JMJD1C: variants seen among roughly 807,000 people sequenced by gnomAD.
JMJD1C encodes jumonji domain-containing protein 1C.
In JMJD1C, 31 loss-of-function variants were observed where a neutral mutation model predicts 245.3. That is an observed-to-expected ratio of 0.13 (90% CI 0.09 to 0.17). The LOEUF (loss-of-function observed/expected upper bound fraction) is 0.17, where lower values mean the gene tolerates loss of function less well. JMJD1C is among the 10% of genes least tolerant of loss of function. JMJD1C has a pLI of 1.00. For missense variants in JMJD1C, 2,691 were observed against 3,000.2 expected (o/e 0.90, Z 2.41); for synonymous variants, 1,057 against 1,017.4 (o/e 1.04, Z -0.74).
chr10:63,399,011 A>G (rs1948687770), intron 1 of JMJD1C, among the ~76,000 whole-genome samples: 1 of 122,074 alleles, frequency 8.2e-6, no homozygotes, highest in Admixed American at 7.6e-5. Flanking sequence ...GTTGTTTCTA[A>G]AAAGAAGAAT....
At position 63,194,272 on chromosome 10, in the gene JMJD1C, G is replaced by A; in HGVS notation, c.5734+14C>T. Reference sequence around the variant, plus strand: ...ACCAAGAGCAGTTATATTACATGAAGAAGATATACTTACCAGAACCAGGTA... The same window carrying A: ...ACCAAGAGCAGTTATATTACATGAAAAAGATATACTTACCAGAACCAGGTA... On this transcript the variant is annotated intron_variant, in intron 14 of 25. Transcript: ENST00000399262. The A allele has an allele frequency of 1.3e-6, 2 of 1,537,284 alleles. No individual in the cohort carries two copies. The highest frequency in any genetic ancestry group is 1.8e-6 in the Non-Finnish European group (2 of 1,110,054).
intron 1 of JMJD1C, among the ~76,000 whole-genome samples, chr10:63,505,481 G>A (rs1371061942): frequency 6.6e-6 from 1 of 152,052 alleles, no homozygotes; most frequent in Admixed American, 6.6e-5. Flanking sequence ...GTATTTTCAG[G>A]GTTTCAGCTG....
chr10:63,484,264 AGATAGAT>A, intron 1 of JMJD1C, among the ~76,000 whole-genome samples: 1 of 148,884 alleles, frequency 6.7e-6, no homozygotes, highest in African/African-American at 2.5e-5. Context: ...ATAGATAGAT[AGATAGAT>A]AAGATAGATA....
At chr10:63,371,405 T>C (rs926607556) in intron 2 of JMJD1C, among the ~76,000 whole-genome samples, 5 of 152,218 alleles carry the variant, frequency 3.3e-5, no homozygotes, top group Admixed American at 6.5e-5. Context: ...TATGCCAAAA[T>C]ATTAATTTAA....
intron 3 of JMJD1C, among the ~76,000 whole-genome samples, chr10:63,261,583 G>A (rs1490180279): frequency 4.0e-5 from 6 of 151,776 alleles, no homozygotes; most frequent in East Asian, 3.9e-4. Flanking sequence ...AGAAGAAGAA[G>A]AAAAAAAGCT....
rs1269931515 is a variant in JMJD1C at position 63,465,814 on chromosome 10, C to T, written c.-152G>A. The T allele has an allele frequency of 3.4e-6, 3 of 889,774 alleles. No homozygotes were observed. The highest frequency in any genetic ancestry group is 5.4e-6 in the Non-Finnish European group (3 of 556,242). 55.1% of individuals were successfully genotyped at this position (889,774 alleles called of 1,614,324 possible). On this transcript the variant is annotated 5_prime_UTR_variant, in exon 1 of 26. Coordinates refer to ENST00000399262, the MANE Select transcript of JMJD1C (RefSeq NM_032776.3). ...ACTCGGGACGAACCGGCCGCTCTGC[C>T]CCGGACACAGCGACCTCGGGCCCTC...
chr10:63,218,952 A>G (rs1375213746), intron 4 of JMJD1C, among the ~76,000 whole-genome samples: 1 of 152,170 alleles, frequency 6.6e-6, no homozygotes, highest in African/African-American at 2.4e-5. Context: ...ATGTTCCAGC[A>G]TTGTTTTGTT....
chr10:63,300,618 G>A (rs774749324), intron 2 of JMJD1C, among the ~76,000 whole-genome samples: 6 of 151,912 alleles, frequency 3.9e-5, no homozygotes, highest in Non-Finnish European at 8.8e-5. Context: ...GAAGCCTGGC[G>A]TGGTGGCTCA....
intron 2 of JMJD1C, among the ~76,000 whole-genome samples, chr10:63,289,880 C>A (rs1858432792): frequency 6.6e-6 from 1 of 151,664 alleles, no homozygotes; most frequent in South Asian, 2.1e-4. Flanking sequence ...TGATTACAGG[C>A]AAAAATTCCA....
intron 9 of JMJD1C, 33 bp downstream of exon 9, chr10:63,209,030 G>T (rs1360039617): frequency 4.6e-6 from 7 of 1,519,242 alleles, no homozygotes; most frequent in Non-Finnish European, 6.3e-6. Flanking sequence ...TATGAACAAG[G>T]TATTTATAAT....
chr10:63,504,544 A>C (rs1288634784), intron 1 of JMJD1C, among the ~76,000 whole-genome samples: 1 of 152,204 alleles, frequency 6.6e-6, no homozygotes, highest in Non-Finnish European at 1.5e-5. Flanking sequence ...ATAGGACTGA[A>C]GCTTAGTGGG....
At chr10:63,171,116 A>G (rs1842309482) in intron 24 of JMJD1C, among the ~76,000 whole-genome samples, 1 of 152,152 alleles carries the variant, frequency 6.6e-6, no homozygotes, top group Non-Finnish European at 1.5e-5. Flanking sequence ...ACTCATGATA[A>G]ATGACCAAAC....
intron 10 of JMJD1C, 132 bp from the exon 11 acceptor site, chr10:63,200,809 G>C (rs2133083381): frequency 2.7e-6 from 2 of 740,218 alleles, no homozygotes; most frequent in Non-Finnish European, 4.4e-6. Flanking sequence ...AAGACATTAA[G>C]AGCTCTAGGT....
intron 2 of JMJD1C, among the ~76,000 whole-genome samples, chr10:63,280,441 T>G (rs1236021238): frequency 6.6e-6 from 1 of 151,916 alleles, no homozygotes; most frequent in African/African-American, 2.4e-5. Context: ...TCCCAGTTAC[T>G]CGGGAGGCTG....
At chr10:63,389,881 A>C (rs2134589961) in intron 1 of JMJD1C, among the ~76,000 whole-genome samples, 1 of 152,284 alleles carries the variant, frequency 6.6e-6, no homozygotes, top group African/African-American at 2.4e-5. Flanking sequence ...AATCTAGAGA[A>C]TATTTAATAA....
intron 2 of JMJD1C, among the ~76,000 whole-genome samples, chr10:63,337,121 G>A (rs912209864): frequency 6.6e-6 from 1 of 151,652 alleles, no homozygotes; most frequent in African/African-American, 2.4e-5. Flanking sequence ...GATTACAGGT[G>A]TGAGCCACCA....
chr10:63,459,574 C>T (rs1952643603), intron 1 of JMJD1C, among the ~76,000 whole-genome samples: 1 of 152,234 alleles, frequency 6.6e-6, no homozygotes, highest in African/African-American at 2.4e-5. Flanking sequence ...TTAATTTTTA[C>T]AAAGCTTTGG....
chr10:63,383,672 C>T (rs1254437222), intron 1 of JMJD1C, among the ~76,000 whole-genome samples: 1 of 152,016 alleles, frequency 6.6e-6, no homozygotes, highest in Non-Finnish European at 1.5e-5. Context: ...TGCACTGCAG[C>T]CTACGTGACA....
intron 1 of JMJD1C, chr10:63,427,994 GC>G (rs1950540106): frequency 3.1e-5 from 21 of 687,560 alleles, no homozygotes; most frequent in South Asian, 3.0e-4. Context: ...GTTTGGCTTA[GC>G]CCCCTCTGTG....
Sources: allele counts gnomAD v4.1 joint callset (sites outside exome capture counted in the v4.1 genomes callset), GRCh38; gene constraint gnomAD v4.1.1; transcripts MANE v1.5; gene names NCBI Gene and HGNC (gene_info 2026-07-23, HGNC 2026-07-21).